Variants in BARD1 observed in about 807,000 individuals in gnomAD.
The protein encoded by BARD1 is BRCA1-associated RING domain protein 1.
Under a neutral mutation model 77.0 loss-of-function variants are expected in BARD1, and 73 were observed. That is an observed-to-expected ratio of 0.95 (90% CI 0.79 to 1.15). The LOEUF is 1.15. Ranked by LOEUF, BARD1 falls within the 50% of genes most tolerant of loss-of-function variation. The pLI, the probability that BARD1 is intolerant of heterozygous loss-of-function variation, is 0.00. For synonymous variants in BARD1, 384 were observed against 338.0 expected (o/e 1.14, Z -1.49); for missense variants, 993 against 938.8 (o/e 1.06, Z -0.75).
chr2:214,761,151 TAACAA>T (rs1693945389), intron 6 of BARD1, among the ~76,000 whole-genome samples: 1 of 151,978 alleles, frequency 6.6e-6, no homozygotes. Flanking sequence ...TTACTACTAA[TAACAA>T]AACTAGAGAG....
At position 214,781,373 on chromosome 2, in the gene BARD1, A is replaced by T. The variant is rs1574821214; in HGVS notation, c.501T>A (p.Pro167=). The T allele has an allele frequency of 6.2e-7, 1 of 1,613,714 alleles. No individual in the cohort carries two copies. Among genetic ancestry groups the T allele is most frequent in the Non-Finnish European group, 8.5e-7 (1 of 1,179,926 alleles). ...VVSKASVQTQ[P]AIKKDASAQQ... ...GAGCACTTGCATCTTTTTTTATTGCAGGCTGGGTTTGCACTGAAGCTTTAC... is the reference window on the plus strand; with the variant it reads ...GAGCACTTGCATCTTTTTTTATTGCTGGCTGGGTTTGCACTGAAGCTTTAC... Residue 167 remains proline, a synonymous_variant, in exon 4 of 11, where the codon CCT becomes CCA. Coordinates refer to ENST00000260947, the MANE Select transcript of BARD1 (RefSeq NM_000465.4).
At position 214,780,662 on chromosome 2, in the gene BARD1, G is replaced by C. The variant is rs587782681; in HGVS notation, c.1212C>G (p.Tyr404Ter). 1.2e-5 allele frequency: 20 copies of C among 1,613,998 alleles called. No individual in the cohort carries two copies. Among genetic ancestry groups the C allele is most frequent in the Non-Finnish European group, 1.5e-5 (18 of 1,179,992 alleles). The change falls in exon 4 of 11, where the codon TAC becomes TAG. Residue 404 changes from tyrosine (Y) to a stop codon, truncating the protein, a stop_gained. Coordinates refer to ENST00000260947, the MANE Select transcript of BARD1 (RefSeq NM_000465.4). LOFTEE classifies it high-confidence loss of function. ...CTGAGGGACTAGACATCACTCGCCT[G>C]TAACTTGAACTACTTAATGTAGAAG... ...TPPSTLSSSSYRRVMSSPSAM... is the reference protein window; with the variant it reads ...TPPSTLSSSS
chr2:214,735,558 G>C (rs906110312), intron 9 of BARD1, among the ~76,000 whole-genome samples: 5 of 152,106 alleles, frequency 3.3e-5, no homozygotes, highest in Non-Finnish European at 5.9e-5. Context: ...TTCAGGGGAG[G>C]GAACTGAAAT....
chr2:214,797,359 T>C (rs1019300581), intron 1 of BARD1, among the ~76,000 whole-genome samples: 1 of 152,232 alleles, frequency 6.6e-6, no homozygotes. Context: ...TTAAAATGTA[T>C]TTTCTAGAAA....
chr2:214,795,664 G>GA (rs1215760189), intron 2 of BARD1, among the ~76,000 whole-genome samples: 2 of 152,038 alleles, frequency 1.3e-5, no homozygotes, highest in Admixed American at 6.6e-5. Context: ...AGAAAATTCA[G>GA]AAAAAAGGTG....
In BARD1 at chr2:214,728,632, C is replaced by T. The variant is rs1012601988; in HGVS notation, c.*44G>A. ...AAACAGTACAATGACTGGGCTCTCA[C>T]AAACCGTGCAAATTCAATTTGAAAT... On this transcript the variant is annotated 3_prime_UTR_variant, in exon 11 of 11. Transcript: ENST00000260947. The T allele has an allele frequency of 5.0e-6, 8 of 1,597,274 alleles. No homozygotes were observed. Among genetic ancestry groups the T allele is most frequent in the Non-Finnish European group, 6.9e-6 (8 of 1,167,504 alleles).
At chr2:214,805,585 A>C (rs1696232067) in intron 1 of BARD1, among the ~76,000 whole-genome samples, 1 of 152,142 alleles carries the variant, frequency 6.6e-6, no homozygotes, top group South Asian at 2.1e-4. Flanking sequence ...ATGAATATCC[A>C]CTCATTTTGT....
At chr2:214,771,450 C>A (rs1574797581) in intron 4 of BARD1, among the ~76,000 whole-genome samples, 1 of 151,952 alleles carries the variant, frequency 6.6e-6, no homozygotes, top group East Asian at 1.9e-4. Context: ...ATTTTGCTGG[C>A]CAGACGTGGT....
At chr2:214,803,425 G>A (rs9973844) in intron 1 of BARD1, among the ~76,000 whole-genome samples, 40,418 of 152,138 alleles carry the variant, frequency 0.27, 5,714 homozygotes, top group African/African-American at 0.37. Flanking sequence ...TATAAAACCC[G>A]ATTGTAGGTT....
At chr2:214,752,395 T>A in intron 7 of BARD1, 52 bp downstream of exon 7, 1 of 1,484,440 alleles carries the variant, frequency 6.7e-7, no homozygotes, top group Non-Finnish European at 9.4e-7. Flanking sequence ...GTTCCTTTCA[T>A]AACCAATTTT....
intron 10 of BARD1, among the ~76,000 whole-genome samples, chr2:214,729,346 G>C (rs998937157): frequency 6.6e-6 from 1 of 152,180 alleles, no homozygotes; most frequent in African/African-American, 2.4e-5. Context: ...CATGAGGTCA[G>C]GTGTGGAATT....
chr2:214,802,594 C>T (rs1050998228), intron 1 of BARD1, among the ~76,000 whole-genome samples: 3 of 152,166 alleles, frequency 2.0e-5, no homozygotes, highest in African/African-American at 7.2e-5. Context: ...CTCCCCAACC[C>T]ACCATTACCT....
chr2:214,735,825 C>T (rs1211899087), intron 9 of BARD1, among the ~76,000 whole-genome samples: 1 of 152,124 alleles, frequency 6.6e-6, no homozygotes. Context: ...TACTCCATCT[C>T]TCCAAAAGCA....
intron 3 of BARD1, among the ~76,000 whole-genome samples, chr2:214,784,353 G>A (rs1281868908): frequency 6.6e-6 from 1 of 152,062 alleles, no homozygotes; most frequent in African/African-American, 2.4e-5. Flanking sequence ...TTAGAATGGC[G>A]ATCATTAAAA....
rs540421969 is a variant in BARD1, at chr2:214,767,144, A to C, written c.1568+338T>G. ...TCCAGCTCCATCATGTGCCCACAAA[A>C]AAACATGATCTCATTCTTTTTTGTA... On this transcript the variant is annotated intron_variant, in intron 6 of 10. Coordinates refer to ENST00000260947, the MANE Select transcript of BARD1 (RefSeq NM_000465.4). Among the ~76,000 whole-genome samples, 32 of 152,350 alleles carry C rather than the reference A, an allele frequency of 2.1e-4. No homozygotes were observed. In the South Asian group the frequency reaches 5.0e-3, roughly 24 times the overall value.
intron 2 of BARD1, among the ~76,000 whole-genome samples, chr2:214,795,310 G>A (rs755571477): frequency 1.1e-4 from 16 of 152,114 alleles, no homozygotes; most frequent in East Asian, 5.8e-4. Flanking sequence ...GTCCTGGGGC[G>A]GGAGTGAATT....
At chr2:214,763,076 C>T (rs1694034685) in intron 6 of BARD1, among the ~76,000 whole-genome samples, 2 of 152,172 alleles carry the variant, frequency 1.3e-5, no homozygotes, top group African/African-American at 4.8e-5. Context: ...TCTCATCCTC[C>T]TCCATCCTTT....
chr2:214,751,151 A>ATATATATATTTTTT (rs1693429141), intron 7 of BARD1, among the ~76,000 whole-genome samples: 1 of 37,190 alleles, frequency 2.7e-5, no homozygotes, highest in Non-Finnish European at 4.6e-5. Context: ...ATATATATAT[A>ATATATATATTTTTT]TTTTTTTTTT....
chr2:214,736,848 A>G (rs1293450820), intron 9 of BARD1, among the ~76,000 whole-genome samples: 2 of 152,130 alleles, frequency 1.3e-5, no homozygotes, highest in Admixed American at 6.6e-5. Flanking sequence ...AGCAAATCCA[A>G]TGCTCTAGTT....
Sources: gnomAD v4.1 joint callset for allele counts (sites outside exome capture counted in the v4.1 genomes callset) on GRCh38, gnomAD v4.1.1 for gene constraint, MANE v1.5 for transcripts, NCBI Gene and HGNC (gene_info 2026-07-23, HGNC 2026-07-21) for gene names.